CEP128: variants seen among roughly 807,000 people sequenced by gnomAD.
The protein encoded by CEP128 is centrosomal protein 128.
Under a neutral mutation model 156.7 loss-of-function variants are expected in CEP128, and 132 were observed. That is an observed-to-expected ratio of 0.84 (90% CI 0.73 to 0.97). CEP128 has a LOEUF of 0.97. Among genes scored for constraint, CEP128 ranks in the 50% least tolerant of loss-of-function variants. CEP128 has a pLI of 0.00. For missense variants in CEP128, 1,252 were observed against 1,281.9 expected (o/e 0.98, Z 0.36); for synonymous variants, 469 against 448.9 (o/e 1.04, Z -0.57).
chr14:80,510,379 T>C (rs186760530), intron 23 of CEP128, among the ~76,000 whole-genome samples: 3 of 152,236 alleles, frequency 2.0e-5, no homozygotes, highest in African/African-American at 7.2e-5. Context: ...TTTGCGGGTA[T>C]TGTAAATAGG....
intron 7 of CEP128, 133 bp from the exon 8 acceptor site, chr14:80,895,923 C>T (rs1595560648): frequency 5.9e-6 from 4 of 672,592 alleles, no homozygotes; most frequent in Non-Finnish European, 9.2e-6. Context: ...TTATAAACAT[C>T]TGAAACACGT....
intron 19 of CEP128, among the ~76,000 whole-genome samples, chr14:80,597,147 T>C (rs1234857575): frequency 6.6e-6 from 1 of 151,930 alleles, no homozygotes; most frequent in African/African-American, 2.4e-5. Context: ...CCTTACAAAG[T>C]TCAATAAAAT....
intron 19 of CEP128, among the ~76,000 whole-genome samples, chr14:80,647,635 T>C (rs909926280): frequency 6.6e-6 from 1 of 152,120 alleles, no homozygotes; most frequent in Non-Finnish European, 1.5e-5. Context: ...TGACAAGGTA[T>C]GAAGACATTT....
chr14:80,669,238 T>A (rs1311480642), intron 19 of CEP128, among the ~76,000 whole-genome samples: 1 of 152,138 alleles, frequency 6.6e-6, no homozygotes, highest in Admixed American at 6.5e-5. Flanking sequence ...TAGGGAAAAC[T>A]CTTCTGGACA....
At chr14:80,761,643 G>A (rs1174294441) in intron 16 of CEP128, 30 bp from the exon 17 acceptor site, 1 of 1,526,784 alleles carries the variant, frequency 6.5e-7, no homozygotes, top group Non-Finnish European at 8.9e-7. Flanking sequence ...TAAACAAGGT[G>A]ATTACTATTA....
intron 19 of CEP128, among the ~76,000 whole-genome samples, chr14:80,598,321 T>C (rs1307386900): frequency 6.6e-6 from 1 of 152,038 alleles, no homozygotes; most frequent in African/African-American, 2.4e-5. Context: ...ACATTAGGAG[T>C]GAATGTGTAG....
At chr14:80,932,719 T>C (rs1278740797) in intron 2 of CEP128, among the ~76,000 whole-genome samples, 1 of 152,146 alleles carries the variant, frequency 6.6e-6, no homozygotes, top group African/African-American at 2.4e-5. Context: ...TCTTTATATA[T>C]TACAGTGTAA....
chr14:80,572,264 G>A (rs192777975), intron 20 of CEP128, among the ~76,000 whole-genome samples: 2 of 152,186 alleles, frequency 1.3e-5, no homozygotes, highest in African/African-American at 4.8e-5. Context: ...GATGGCCTTA[G>A]AAGTGAGAAC....
At chr14:80,958,273 T>G (rs1298532491) in exon 2 of CEP128, 2 of 152,210 alleles carry the variant, frequency 1.3e-5, no homozygotes, top group Non-Finnish European at 2.9e-5. Flanking sequence ...ATGCTCATTT[T>G]ATAGATGAGG....
chr14:80,857,773 A>C (rs1887275049), intron 9 of CEP128, among the ~76,000 whole-genome samples: 2 of 151,884 alleles, frequency 1.3e-5, no homozygotes, highest in African/African-American at 2.4e-5. Context: ...AACAACAAAA[A>C]ACATGAATTG....
intron 20 of CEP128, among the ~76,000 whole-genome samples, chr14:80,572,348 G>A (rs921822698): frequency 1.3e-5 from 2 of 152,128 alleles, no homozygotes; most frequent in African/African-American, 4.8e-5. Flanking sequence ...ATGAAAATGT[G>A]TTTCAACCAG....
chr14:80,826,277 GT>G (rs2140021536), intron 13 of CEP128, among the ~76,000 whole-genome samples: 1 of 152,078 alleles, frequency 6.6e-6, no homozygotes, highest in East Asian at 1.9e-4. Context: ...TCTCTACAAA[GT>G]TGTGGCCAAT....
At chr14:80,613,007 A>ATTTT (rs66946967) in intron 19 of CEP128, among the ~76,000 whole-genome samples, 46 of 114,704 alleles carry the variant, frequency 4.0e-4, no homozygotes, top group African/African-American at 1.4e-3. Context: ...CACCCGGCGA[A>ATTTT]TTTTTTTTTT....
intron 19 of CEP128, among the ~76,000 whole-genome samples, chr14:80,643,706 T>C (rs1457772503): frequency 3.2e-5 from 3 of 93,486 alleles, no homozygotes; most frequent in Non-Finnish European, 4.0e-5. Flanking sequence ...CAAGACTCCA[T>C]CTCAAAAAAA....
intron 19 of CEP128, among the ~76,000 whole-genome samples, chr14:80,740,504 A>AGATAGAT (rs199775995): frequency 0.016 from 1,729 of 106,444 alleles, 39 homozygotes; most frequent in African/African-American, 0.053. Context: ...CTAGATAGAT[A>AGATAGAT]GATAGATAGA....
chr14:80,792,136 C>A (rs1901740293), intron 14 of CEP128, among the ~76,000 whole-genome samples: 1 of 152,124 alleles, frequency 6.6e-6, no homozygotes, highest in African/African-American at 2.4e-5. Flanking sequence ...ACTGATTATA[C>A]AAGAGAAAAG....
chr14:80,649,314 G>A (rs1477763404), intron 19 of CEP128, among the ~76,000 whole-genome samples: 1 of 151,934 alleles, frequency 6.6e-6, no homozygotes, highest in Non-Finnish European at 1.5e-5. Flanking sequence ...TGTCTTCTGA[G>A]GTCGCTCACA....
intron 23 of CEP128, among the ~76,000 whole-genome samples, chr14:80,515,296 C>T (rs1888436776): frequency 6.6e-6 from 1 of 152,256 alleles, no homozygotes; most frequent in Admixed American, 6.5e-5. Context: ...AGCTCTGCCC[C>T]AGCCCAGGGC....
chr14:80,560,724 C>T (rs1167787580), intron 20 of CEP128, among the ~76,000 whole-genome samples: 1 of 152,092 alleles, frequency 6.6e-6, no homozygotes, highest in Non-Finnish European at 1.5e-5. Flanking sequence ...ACTGGCCTAG[C>T]CTCCCAGCCT....
Sources: gnomAD v4.1 joint callset for allele counts (sites outside exome capture counted in the v4.1 genomes callset) on GRCh38, gnomAD v4.1.1 for gene constraint, MANE v1.5 for transcripts, NCBI Gene and HGNC (gene_info 2026-07-23, HGNC 2026-07-21) for gene names.